The following FAM161B variants were observed in gnomAD, a reference collection of about 807,000 sequenced individuals.
FAM161B encodes the protein protein FAM161B.
Under a neutral mutation model 61.5 loss-of-function variants are expected in FAM161B, and 46 were observed. That is an observed-to-expected ratio of 0.75 (90% CI 0.59 to 0.96). FAM161B has a LOEUF of 0.96. FAM161B is among the 40% of genes least tolerant of loss of function. FAM161B has a pLI of 0.00. For synonymous variants in FAM161B, 284 were observed against 302.7 expected (o/e 0.94, Z 0.64); for missense variants, 774 against 800.7 (o/e 0.97, Z 0.40).
chr14:73,942,797 C>A, intron 3 of FAM161B, 82 bp from the exon 4 acceptor site: 2 of 1,292,220 alleles, frequency 1.5e-6, no homozygotes, highest in Non-Finnish European at 2.1e-6. Flanking sequence ...CTTTTACACA[C>A]TAGCTGTAAG....
Position 73,934,131 on chromosome 14 carries a change from G to T in FAM161B, c.*125C>A. ...GCCACTGCGCCTGGCCTGTTAATCT[G>T]CTACTCTTCATTTGTCCATCCTCTA... On this transcript the variant is annotated 3_prime_UTR_variant, in exon 9 of 9. Coordinates refer to ENST00000286544, the MANE Select transcript of FAM161B (RefSeq NM_152445.3). 1 of 1,189,298 alleles carries T rather than the reference G, an allele frequency of 8.4e-7. No individual in the cohort carries two copies. The highest frequency in any genetic ancestry group is 1.2e-6 in the Non-Finnish European group (1 of 860,738). 73.7% of individuals were successfully genotyped at this position (1,189,298 alleles called of 1,614,324 possible).
At chr14:73,931,451 T>C, downstream of FAM161B, 1 of 1,498,920 alleles carries the variant, frequency 6.7e-7, no homozygotes, top group African/African-American at 1.4e-5. Flanking sequence ...TGAATTATTT[T>C]TTCTATAATT....
chr14:73,933,528 G>GAT lies in FAM161B; in HGVS notation c.*726_*727dup, dbSNP rs2055943671. 6.6e-6 allele frequency: 1 copy of GAT among 152,166 alleles called. No homozygotes were observed. Among genetic ancestry groups the GAT allele is most frequent in the African/African-American group, 2.4e-5 (1 of 41,412 alleles). The allele number at this position is 152,166 out of a possible 1,614,324, so 9.4% of individuals were successfully genotyped here. A position where few individuals can be genotyped will look rare whatever the true frequency, so the allele number is the denominator to read the frequency against. ...TTTCTAAGTAATTTTTAAATTAGTT[G>GAT]ATAGCATACAAATTTCTGGCTTGAT... On this transcript the variant is annotated 3_prime_UTR_variant, in exon 9 of 9. Transcript: ENST00000286544.
At chr14:73,931,624 A>G, downstream of FAM161B, 1 of 1,290,892 alleles carries the variant, frequency 7.7e-7, no homozygotes. Context: ...AGCCCACAAC[A>G]GAACCAGAAT....
chr14:73,938,215 T>C (rs1272893555), intron 5 of FAM161B, 103 bp from the exon 6 acceptor site: 1 of 1,388,126 alleles, frequency 7.2e-7, no homozygotes, highest in Non-Finnish European at 9.8e-7. Context: ...TCCTAGCACT[T>C]TGGGAGGCCA....
At chr14:73,930,390 T>C (rs182916244), downstream of FAM161B, among the ~76,000 whole-genome samples, 1 of 152,340 alleles carries the variant, frequency 6.6e-6, no homozygotes, top group East Asian at 1.9e-4. Context: ...CTCAAATTTC[T>C]GGCCTCAAGC....
At position 73,946,382 on chromosome 14, in the gene FAM161B, C is replaced by T; in HGVS notation, c.278G>A (p.Ser93Asn). ...LESLFQSDPE[S>N]DENLSEDEED... is the part of the protein sequence containing the mutation. ...CTCATCTTCAGAGAGGTTTTCATCA[C>T]TCTCTGGGTCAGACTGAAAGAGAGA... The change falls in exon 2 of 9, where the codon AGT (serine) becomes AAT (asparagine). Residue 93 changes from serine to asparagine, a missense_variant. By Grantham distance (46) the Ser-to-Asn change is conservative. Coordinates refer to ENST00000286544, the MANE Select transcript of FAM161B (RefSeq NM_152445.3). The T allele has an allele frequency of 6.2e-7, 1 of 1,614,160 alleles. No homozygotes were observed. Among genetic ancestry groups the T allele is most frequent in the Non-Finnish European group, 8.5e-7 (1 of 1,180,032 alleles).
chr14:73,947,807 G>T (rs1013413163), intron 1 of FAM161B, among the ~76,000 whole-genome samples: 1 of 152,176 alleles, frequency 6.6e-6, no homozygotes, highest in Non-Finnish European at 1.5e-5. Flanking sequence ...GGAACTTAGG[G>T]TTGAGGGTGT....
chr14:73,930,132 A>G (rs2055889970), downstream of FAM161B, among the ~76,000 whole-genome samples: 1 of 152,192 alleles, frequency 6.6e-6, no homozygotes, highest in South Asian at 2.1e-4. Flanking sequence ...AGAAATTACA[A>G]ATTCTATAAT....
intron 2 of FAM161B, among the ~76,000 whole-genome samples, chr14:73,945,621 G>A (rs1180019401): frequency 6.6e-6 from 1 of 151,972 alleles, no homozygotes; most frequent in Non-Finnish European, 1.5e-5. Flanking sequence ...AGTAGAGACG[G>A]GGTTTCACCA....
rs919577084 is a variant in FAM161B, at chr14:73,932,493, A to G, written c.*1763T>C. ...AAAAGACGCATCTGAGAAAATGGCAATAAAAACAGATACTTCTGAATTTTT... is the reference window on the plus strand; with the variant it reads ...AAAAGACGCATCTGAGAAAATGGCAGTAAAAACAGATACTTCTGAATTTTT... On this transcript the variant is annotated 3_prime_UTR_variant, in exon 9 of 9. Coordinates refer to ENST00000286544, the MANE Select transcript of FAM161B (RefSeq NM_152445.3). 4.4e-6 allele frequency: 2 copies of G among 452,810 alleles called. No individual in the cohort carries two copies. The highest frequency in any genetic ancestry group is 8.8e-6 in the Non-Finnish European group (2 of 226,130). The allele number at this position is 452,810 out of a possible 1,614,324, so 28.0% of individuals were successfully genotyped here.
intron 8 of FAM161B, among the ~76,000 whole-genome samples, chr14:73,934,892 C>CA (rs1161385843): frequency 6.6e-6 from 1 of 151,634 alleles, no homozygotes. Context: ...ACTAAAAATA[C>CA]AAAAAATAGC....
intron 2 of FAM161B, 57 bp downstream of exon 2, chr14:73,946,229 C>T (rs1046960003): frequency 1.6e-5 from 25 of 1,529,184 alleles, no homozygotes; most frequent in Admixed American, 1.1e-4. Flanking sequence ...CCCAGAGACA[C>T]GATGTGACCT....
At chr14:73,945,001 C>T (rs1775594677) in intron 2 of FAM161B, 116 bp from the exon 3 acceptor site, 10 of 792,336 alleles carry the variant, frequency 1.3e-5, no homozygotes, top group Admixed American at 6.8e-5. Flanking sequence ...CTCAGCCTAA[C>T]ACCACAGCCC....
intron 1 of FAM161B, among the ~76,000 whole-genome samples, chr14:73,946,933 G>T (rs1018626627): frequency 2.0e-5 from 3 of 152,122 alleles, no homozygotes; most frequent in African/African-American, 7.2e-5. Flanking sequence ...CCTACACCAG[G>T]CTTTCTGACC....
chr14:73,934,496 T>C (rs2055954615), intron 8 of FAM161B, 102 bp from the exon 9 acceptor site: 2 of 1,167,784 alleles, frequency 1.7e-6, no homozygotes, highest in African/African-American at 3.1e-5. Flanking sequence ...CTCAGCTCAC[T>C]GCAGCCTGGA....
chr14:73,932,655 T>TG lies in FAM161B; in HGVS notation c.*1600dup. On this transcript the variant is annotated 3_prime_UTR_variant, in exon 9 of 9. Transcript: ENST00000286544. ...ATCATTATGATTTGAGATGGGGTCT[T>TG]GCTCTGTCACCCAGGCTGGAGTGCA... The TG allele has an allele frequency of 2.7e-6, 1 of 366,908 alleles. No homozygotes were observed. The highest frequency in any genetic ancestry group is 2.1e-5 in the South Asian group (1 of 47,612). The allele number at this position is 366,908 out of a possible 1,614,324, so 22.7% of individuals were successfully genotyped here.
At position 73,940,842 on chromosome 14, in the gene FAM161B, A is replaced by G. The variant is rs1004907199; in HGVS notation, c.1400+84T>C. On this transcript the variant is annotated intron_variant, in intron 5 of 8. Transcript: ENST00000286544. ...GACCCCTTGAGGTATCTCTGATAAC[A>G]GGAAAGGAGGCCCCTTGGCAGGGAG... 7 of 1,516,700 alleles carry G rather than the reference A, an allele frequency of 4.6e-6. No individual in the cohort carries two copies. The African/African-American group carries it at 7.0e-5, about 15-fold the overall frequency. 94.0% of individuals were successfully genotyped at this position (1,516,700 alleles called of 1,614,324 possible).
downstream of FAM161B, chr14:73,932,076 A>G (rs1321393480): frequency 2.2e-6 from 1 of 454,882 alleles, no homozygotes; most frequent in South Asian, 1.6e-5. Context: ...GCTGCAAAAA[A>G]ATAAATTACT....
Sources: gnomAD v4.1 joint callset for allele counts (sites outside exome capture counted in the v4.1 genomes callset) on GRCh38, gnomAD v4.1.1 for gene constraint, MANE v1.5 for transcripts, NCBI Gene and HGNC (gene_info 2026-07-23, HGNC 2026-07-21) for gene names.